The following EPG5 variants were observed in gnomAD, a reference collection of about 807,000 sequenced individuals.
EPG5 encodes the protein ectopic P-granules 5 autophagy tethering factor, also known as ectopic P granules protein 5 homolog.
In EPG5, 159 loss-of-function variants were observed where a neutral mutation model predicts 302.7. That is an observed-to-expected ratio of 0.53 (90% CI 0.46 to 0.60). The LOEUF (loss-of-function observed/expected upper bound fraction) is 0.60, where lower values mean the gene tolerates loss of function less well. Ranked by LOEUF, EPG5 falls within the 20% of genes least tolerant of loss-of-function variation. EPG5 has a pLI of 0.00. For synonymous variants in EPG5, 1,158 were observed against 1,136.8 expected, an observed-to-expected ratio of 1.02 and a Z score of -0.37; for missense variants, 2,896 against 3,092.4, an observed-to-expected ratio of 0.94 and a Z score of 1.51.
chr18:45,915,923 T>C, intron 19 of EPG5, 86 bp downstream of exon 19: 2 of 1,239,434 alleles, frequency 1.6e-6, no homozygotes, highest in South Asian at 1.5e-5. Context: ...AGAGTAGAAC[T>C]GAAAACTGTA....
the EPG5 span, among the ~76,000 whole-genome samples, chr18:45,819,061 G>C: frequency 6.6e-6 from 1 of 152,110 alleles, no homozygotes; most frequent in African/African-American, 2.4e-5. Context: ...AAGTTTTAAA[G>C]CAAAATTTTT....
At position 45,949,417 on chromosome 18, in the gene EPG5, C is replaced by T. The variant is rs28395299; in HGVS notation, c.1497+67G>A. Reference sequence around the variant, plus strand: ...ATAGTCCTTTTTTTTTCAGCAATTTCTTCAGGAATAATGTCTAATAAAACC... The same window carrying T: ...ATAGTCCTTTTTTTTTCAGCAATTTTTTCAGGAATAATGTCTAATAAAACC... On this transcript the variant is annotated intron_variant, in intron 5 of 43. Coordinates refer to ENST00000282041, the MANE Select transcript of EPG5 (RefSeq NM_020964.3). 3,529 of 841,288 alleles carry T rather than the reference C, an allele frequency of 4.2e-3. 76 individuals carry two copies. In the African/African-American group the frequency reaches 0.054, roughly 13 times the overall value. The allele number at this position is 841,288 out of a possible 1,614,324, so 52.1% of individuals were successfully genotyped here. A position where few individuals can be genotyped will look rare whatever the true frequency, so the allele number is the denominator to read the frequency against.
intron 4 of EPG5, 106 bp from the exon 5 acceptor site, chr18:45,949,697 C>CA (rs1314307957): frequency 1.6e-6 from 1 of 635,516 alleles, no homozygotes; most frequent in Non-Finnish European, 2.7e-6. Context: ...TGCAATCTTT[C>CA]AAAAGAGTAA....
At chr18:45,814,348 C>T in the EPG5 span, among the ~76,000 whole-genome samples, 9 of 152,052 alleles carry the variant, frequency 5.9e-5, no homozygotes, top group East Asian at 1.9e-4. Flanking sequence ...GATAAAGGCT[C>T]GAGAAATGTT....
At chr18:45,957,995 T>C (rs1414122424) in intron 1 of EPG5, among the ~76,000 whole-genome samples, 1 of 152,198 alleles carries the variant, frequency 6.6e-6, no homozygotes, top group Non-Finnish European at 1.5e-5. Flanking sequence ...TGTACTCTAC[T>C]AGTCTAGGCT....
At chr18:45,886,117 CAGAGTGA>C (rs1156311248) in intron 29 of EPG5, among the ~76,000 whole-genome samples, 2 of 152,202 alleles carry the variant, frequency 1.3e-5, no homozygotes, top group African/African-American at 4.8e-5. Flanking sequence ...CCAGGGAAGG[CAGAGTGA>C]CTATGTCAAG....
At chr18:45,895,813 C>T (rs2049458051) in intron 27 of EPG5, among the ~76,000 whole-genome samples, 1 of 152,206 alleles carries the variant, frequency 6.6e-6, no homozygotes, top group Non-Finnish European at 1.5e-5. Flanking sequence ...GACATACTCT[C>T]TCCCAATGAC....
At chr18:45,838,721 C>T in the EPG5 span, 4 of 1,573,632 alleles carry the variant, frequency 2.5e-6, no homozygotes, top group African/African-American at 2.7e-5. Flanking sequence ...CCTGCAGCCG[C>T]GCCGCGGATC....
chr18:45,846,054 G>A (rs2048360567), downstream of EPG5, among the ~76,000 whole-genome samples: 1 of 152,176 alleles, frequency 6.6e-6, no homozygotes, highest in Admixed American at 6.5e-5. Flanking sequence ...CAGGGTCAGG[G>A]TGGGTGCTTG....
intron 22 of EPG5, among the ~76,000 whole-genome samples, chr18:45,911,209 C>T (rs2049890330): frequency 6.6e-6 from 1 of 151,760 alleles, no homozygotes; most frequent in Admixed American, 6.6e-5. Context: ...GCAACCTCCA[C>T]CTCCTGGCGA....
At chr18:45,834,348 G>C in the EPG5 span, among the ~76,000 whole-genome samples, 1 of 152,188 alleles carries the variant, frequency 6.6e-6, no homozygotes, top group Admixed American at 6.5e-5. Context: ...TGTGGTCCCT[G>C]CCCTGCCAGA....
the EPG5 span, among the ~76,000 whole-genome samples, chr18:45,836,785 C>A: frequency 1.3e-5 from 2 of 152,364 alleles, no homozygotes; most frequent in African/African-American, 2.4e-5. Context: ...ACCAACTCAA[C>A]GCATTAGCTT....
intron 39 of EPG5, among the ~76,000 whole-genome samples, chr18:45,861,512 C>T (rs1288155542): frequency 6.6e-6 from 1 of 152,198 alleles, no homozygotes; most frequent in Admixed American, 6.5e-5. Context: ...TTCCAGAACA[C>T]CCTTCTCTCC....
At chr18:45,832,445 G>T in the EPG5 span, among the ~76,000 whole-genome samples, 3 of 150,346 alleles carry the variant, frequency 2.0e-5, no homozygotes, top group Admixed American at 6.6e-5. Flanking sequence ...TATATAACTT[G>T]CCCAAAGATC....
the EPG5 span, among the ~76,000 whole-genome samples, chr18:45,805,423 TAAA>T: frequency 8.3e-5 from 11 of 132,468 alleles, no homozygotes; most frequent in Admixed American, 1.5e-4. Context: ...AGAGCTTCTG[TAAA>T]AAAAAAAAAA....
chr18:45,931,374 A>C (rs1323331198), intron 11 of EPG5, among the ~76,000 whole-genome samples: 1 of 152,238 alleles, frequency 6.6e-6, no homozygotes, highest in Non-Finnish European at 1.5e-5. Context: ...ATACTAATGA[A>C]TGTCATAAAC....
intron 37 of EPG5, among the ~76,000 whole-genome samples, 156 bp downstream of exon 37, chr18:45,867,407 G>C (rs939593028): frequency 4.6e-5 from 7 of 152,124 alleles, no homozygotes; most frequent in Non-Finnish European, 8.8e-5. Flanking sequence ...AGCTATCCAA[G>C]AAAATCAGGC....
the EPG5 span, among the ~76,000 whole-genome samples, chr18:45,813,455 A>T: frequency 6.6e-6 from 1 of 152,216 alleles, no homozygotes; most frequent in African/African-American, 2.4e-5. Flanking sequence ...TGCTATAAAG[A>T]CACATGCACA....
intron 16 of EPG5, among the ~76,000 whole-genome samples, chr18:45,922,051 C>G (rs1408666688): frequency 2.0e-5 from 3 of 151,164 alleles, no homozygotes; most frequent in Non-Finnish European, 4.4e-5. Context: ...TATTTGATCA[C>G]AATTCTGAGG....
Sources: gnomAD v4.1 joint callset for allele counts (sites outside exome capture counted in the v4.1 genomes callset) on GRCh38, gnomAD v4.1.1 for gene constraint, MANE v1.5 for transcripts, NCBI Gene and HGNC (gene_info 2026-07-23, HGNC 2026-07-21) for gene names.